Variants in SOCS5 observed in about 807,000 individuals in gnomAD.
SOCS5 encodes the protein suppressor of cytokine signaling 5.
A neutral mutation model predicts 42.8 loss-of-function variants in SOCS5; 32 were observed. The ratio of observed to expected loss-of-function variants is 0.75; its 90% CI spans 0.56 to 1.01. The LOEUF is 1.01. SOCS5 is among the 50% of genes least tolerant of loss of function. SOCS5 has a pLI of 0.00. For synonymous variants in SOCS5, 283 were observed against 229.6 expected (o/e 1.23, Z -2.10); for missense variants, 627 against 653.0 (o/e 0.96, Z 0.43).
intron 1 of SOCS5, among the ~76,000 whole-genome samples, chr2:46,756,141 A>G (rs1018959085): frequency 2.0e-5 from 3 of 152,220 alleles, no homozygotes; most frequent in Non-Finnish European, 2.9e-5. Flanking sequence ...CTATATAAGG[A>G]GATGAGTGGT....
intron 1 of SOCS5, among the ~76,000 whole-genome samples, chr2:46,722,209 C>CTTT (rs1672899433): frequency 6.6e-6 from 1 of 151,970 alleles, no homozygotes; most frequent in Non-Finnish European, 1.5e-5. Flanking sequence ...AGTTTATACC[C>CTTT]ATGTCATATC....
chr2:46,704,947 A>C (rs970542249), intron 1 of SOCS5, among the ~76,000 whole-genome samples: 1 of 152,102 alleles, frequency 6.6e-6, no homozygotes, highest in East Asian at 1.9e-4. Context: ...GGGAGAAGAG[A>C]AGGGCCAGAC....
chr2:46,725,656 G>C (rs1481669765), intron 1 of SOCS5, among the ~76,000 whole-genome samples: 1 of 151,952 alleles, frequency 6.6e-6, no homozygotes, highest in Non-Finnish European at 1.5e-5. Flanking sequence ...AACCCAATGG[G>C]TACTGTTTTT....
chr2:46,742,573 T>G (rs1673402741), intron 1 of SOCS5, among the ~76,000 whole-genome samples: 1 of 152,212 alleles, frequency 6.6e-6, no homozygotes, highest in Non-Finnish European at 1.5e-5. Context: ...TCATTTAGTC[T>G]TTTGATCATT....
chr2:46,702,902 T>A (rs1176248324), intron 1 of SOCS5, among the ~76,000 whole-genome samples: 1 of 152,204 alleles, frequency 6.6e-6, no homozygotes, highest in Non-Finnish European at 1.5e-5. Context: ...CCTTCTCAGG[T>A]TTTTCTGTTG....
intron 1 of SOCS5, among the ~76,000 whole-genome samples, chr2:46,733,946 G>A (rs1008273886): frequency 9.2e-5 from 14 of 152,196 alleles, no homozygotes; most frequent in African/African-American, 3.4e-4. Flanking sequence ...CTCCATTTAG[G>A]ATGTAATCAG....
In SOCS5 at chr2:46,762,750, T is replaced by G. The variant is rs1207852862; in HGVS notation, c.*2609T>G. The G allele has an allele frequency of 3.6e-5, 6 of 165,716 alleles. No individual in the cohort carries two copies. Among genetic ancestry groups the G allele is most frequent in the Non-Finnish European group, 7.3e-5 (5 of 68,094 alleles). The allele number at this position is 165,716 out of a possible 1,614,324, so 10.3% of individuals were successfully genotyped here. On this transcript the variant is annotated 3_prime_UTR_variant, in exon 2 of 2. Transcript: ENST00000394861. ...TTGAGTGTTAACGGTCTTTTTAAAG[T>G]GCATTTAAATACAAACCAGGAATTT...
intron 1 of SOCS5, among the ~76,000 whole-genome samples, chr2:46,718,369 A>G (rs569863306): frequency 4.3e-4 from 65 of 152,172 alleles, no homozygotes; most frequent in African/African-American, 1.4e-3. Context: ...TTGGTATATT[A>G]TACTTTTTAG....
At chr2:46,709,650 A>G (rs1672571101) in intron 1 of SOCS5, among the ~76,000 whole-genome samples, 1 of 152,212 alleles carries the variant, frequency 6.6e-6, no homozygotes, top group Non-Finnish European at 1.5e-5. Flanking sequence ...TCCTATCTAA[A>G]ATGCCTATTT....
At chr2:46,730,995 A>C (rs1485637972) in intron 1 of SOCS5, among the ~76,000 whole-genome samples, 5 of 152,206 alleles carry the variant, frequency 3.3e-5, no homozygotes, top group Non-Finnish European at 5.9e-5. Context: ...TTGTAGAAGT[A>C]GGCTTTATAG....
At chr2:46,736,776 C>T (rs1673262037) in intron 1 of SOCS5, among the ~76,000 whole-genome samples, 1 of 152,092 alleles carries the variant, frequency 6.6e-6, no homozygotes, top group Admixed American at 6.5e-5. Flanking sequence ...CCCACAAACA[C>T]AAGCCACATA....
chr2:46,731,748 G>C (rs528251043), intron 1 of SOCS5, among the ~76,000 whole-genome samples: 1 of 152,134 alleles, frequency 6.6e-6, no homozygotes, highest in South Asian at 2.1e-4. Flanking sequence ...AAATAAGATT[G>C]AGGCACAACC....
intron 1 of SOCS5, among the ~76,000 whole-genome samples, chr2:46,750,393 G>T (rs966583931): frequency 2.0e-5 from 3 of 151,888 alleles, no homozygotes; most frequent in African/African-American, 4.8e-5. Flanking sequence ...CCCTAAAATT[G>T]TCTTTTTTGG....
intron 1 of SOCS5, among the ~76,000 whole-genome samples, chr2:46,747,831 A>G (rs922926033): frequency 5.9e-5 from 9 of 152,166 alleles, no homozygotes; most frequent in Admixed American, 4.6e-4. Context: ...CTTTATCGTC[A>G]TATTGTCCAC....
chr2:46,710,898 A>G (rs1672606124), intron 1 of SOCS5, among the ~76,000 whole-genome samples: 1 of 152,186 alleles, frequency 6.6e-6, no homozygotes, highest in Non-Finnish European at 1.5e-5. Flanking sequence ...TTCACTGAAG[A>G]TTAACTTTGT....
At chr2:46,714,135 G>T (rs1396927061) in intron 1 of SOCS5, among the ~76,000 whole-genome samples, 1 of 152,030 alleles carries the variant, frequency 6.6e-6, no homozygotes, top group Non-Finnish European at 1.5e-5. Flanking sequence ...TTACTAGGTG[G>T]GGTGTTCTAT....
rs1334061679 is a variant in SOCS5 at position 46,761,044 on chromosome 2, A to G, written c.*903A>G. 1.2e-5 allele frequency: 2 copies of G among 167,084 alleles called. No individual in the cohort carries two copies. Among genetic ancestry groups the G allele is most frequent in the African/African-American group, 4.8e-5 (2 of 41,458 alleles). The allele number at this position is 167,084 out of a possible 1,614,324, so 10.4% of individuals were successfully genotyped here. A position where few individuals can be genotyped will look rare whatever the true frequency, so the allele number is the denominator to read the frequency against. On this transcript the variant is annotated 3_prime_UTR_variant, in exon 2 of 2. Transcript: ENST00000394861. ...AACTACAATGGTTGCTGATGTTGAGATTATTGTTGAACTATAATTAATAAT... is the reference window on the plus strand; with the variant it reads ...AACTACAATGGTTGCTGATGTTGAGGTTATTGTTGAACTATAATTAATAAT...
intron 1 of SOCS5, among the ~76,000 whole-genome samples, chr2:46,750,710 G>A (rs1026475802): frequency 5.9e-5 from 9 of 152,110 alleles, no homozygotes; most frequent in African/African-American, 2.2e-4. Context: ...TAGTTGATAG[G>A]CATTTAAAGT....
At chr2:46,736,624 T>G (rs1201916807) in intron 1 of SOCS5, among the ~76,000 whole-genome samples, 1 of 152,224 alleles carries the variant, frequency 6.6e-6, no homozygotes, top group Non-Finnish European at 1.5e-5. Flanking sequence ...GTCTTCAAGG[T>G]ACATCCATGT....
Sources: allele counts gnomAD v4.1 joint callset (sites outside exome capture counted in the v4.1 genomes callset), GRCh38; gene constraint gnomAD v4.1.1; transcripts MANE v1.5; gene names NCBI Gene and HGNC (gene_info 2026-07-23, HGNC 2026-07-21).